Variants in FOXP1 observed in about 807,000 individuals in gnomAD.
FOXP1 encodes forkhead box protein P1.
A neutral mutation model predicts 98.2 loss-of-function variants in FOXP1; 15 were observed. The observed-to-expected ratio is 0.15, with a 90% confidence interval of 0.10 to 0.24. The LOEUF (loss-of-function observed/expected upper bound fraction) is 0.24. Among genes scored for constraint, FOXP1 ranks in the 10% least tolerant of loss-of-function variants. FOXP1 has a pLI of 1.00. For synonymous variants in FOXP1, 371 were observed against 314.5 expected (o/e 1.18, Z -1.90); for missense variants, 633 against 848.5 (o/e 0.75, Z 3.15).
chr3:71,218,908 A>T (rs1233423985), intron 5 of FOXP1, among the ~76,000 whole-genome samples: 1 of 152,160 alleles, frequency 6.6e-6, no homozygotes, highest in East Asian at 1.9e-4. Flanking sequence ...TCAGAGCTGC[A>T]GTCCCTTGTT....
At chr3:71,557,218 T>C (rs2046206637) in intron 2 of FOXP1, among the ~76,000 whole-genome samples, 1 of 152,088 alleles carries the variant, frequency 6.6e-6, no homozygotes, top group Non-Finnish European at 1.5e-5. Flanking sequence ...AACTGGGAAA[T>C]GACTAGCTTG....
intron 11 of FOXP1, among the ~76,000 whole-genome samples, chr3:71,028,293 C>T (rs752413984): frequency 2.6e-5 from 4 of 152,104 alleles, no homozygotes; most frequent in East Asian, 1.9e-4. Flanking sequence ...CTTTGAACTT[C>T]GGTAGAATGC....
Position 71,145,685 on chromosome 3 carries a change from T to G in FOXP1, c.181-33048A>C, listed in dbSNP as rs1013289916. ...TCACTTAGAATTACCAGTAATTATT[T>G]TAGCCATTTTCATAGGTGTATAGTG... On this transcript the variant is annotated intron_variant, in intron 6 of 20. Coordinates refer to ENST00000649528, the MANE Select transcript of FOXP1 (RefSeq NM_001349338.3). 2.3e-4 allele frequency among the ~76,000 whole-genome samples: 35 copies of G among 152,244 alleles called. 1 individual carries two copies. Among genetic ancestry groups the G allele is most frequent in the Admixed American group, 6.5e-5 (1 of 15,288 alleles).
At chr3:71,466,315 C>G (rs2088732410) in intron 3 of FOXP1, among the ~76,000 whole-genome samples, 1 of 152,188 alleles carries the variant, frequency 6.6e-6, no homozygotes, top group Admixed American at 6.5e-5. Flanking sequence ...AACTTTTCTC[C>G]AGAAAACAAC....
At chr3:71,542,016 G>A (rs772658482) in intron 2 of FOXP1, 8 of 534,110 alleles carry the variant, frequency 1.5e-5, no homozygotes, top group Admixed American at 1.9e-5. Flanking sequence ...ACAAACATGG[G>A]CTTTCCAATA....
chr3:71,051,545 A>G (rs1027024866), intron 9 of FOXP1, among the ~76,000 whole-genome samples: 4 of 152,210 alleles, frequency 2.6e-5, no homozygotes, highest in South Asian at 4.1e-4. Context: ...CTGCAAAAGA[A>G]CAAAAGTGGC....
chr3:71,258,867 C>T (rs891331300), intron 5 of FOXP1, among the ~76,000 whole-genome samples: 7 of 151,904 alleles, frequency 4.6e-5, no homozygotes, highest in South Asian at 2.1e-4. Context: ...GGGCTGAGGC[C>T]GGGTACAGTG....
At chr3:71,385,583 G>A (rs1427244174) in intron 3 of FOXP1, among the ~76,000 whole-genome samples, 1 of 152,074 alleles carries the variant, frequency 6.6e-6, no homozygotes, top group Non-Finnish European at 1.5e-5. Context: ...AGAGAACAGC[G>A]CATGCTCATG....
chr3:71,071,539 A>C (rs1459904442), intron 7 of FOXP1, among the ~76,000 whole-genome samples: 1 of 152,200 alleles, frequency 6.6e-6, no homozygotes, highest in Non-Finnish European at 1.5e-5. Context: ...CATTTCAGCT[A>C]AACAAAGAGG....
intron 7 of FOXP1, among the ~76,000 whole-genome samples, chr3:71,088,812 A>G (rs893086714): frequency 9.2e-5 from 14 of 152,166 alleles, no homozygotes; most frequent in African/African-American, 3.4e-4. Context: ...GCTGGAGGAA[A>G]TTTGCATAAT....
chr3:71,355,921 G>A (rs2078122455), intron 4 of FOXP1, among the ~76,000 whole-genome samples: 1 of 152,116 alleles, frequency 6.6e-6, no homozygotes, highest in Non-Finnish European at 1.5e-5. Context: ...GTCACCAACT[G>A]GGTCATCCAT....
At chr3:71,544,070 C>A (rs547623218) in intron 2 of FOXP1, among the ~76,000 whole-genome samples, 73 of 151,966 alleles carry the variant, frequency 4.8e-4, no homozygotes, top group Admixed American at 4.7e-3. Flanking sequence ...TACATATACA[C>A]ACATATATGT....
intron 2 of FOXP1, among the ~76,000 whole-genome samples, chr3:71,507,857 A>G (rs959400649): frequency 1.3e-5 from 2 of 152,200 alleles, no homozygotes; most frequent in African/African-American, 2.4e-5. Flanking sequence ...GATTACAGGC[A>G]TGAGCCACAA....
chr3:71,090,553 C>T (rs1396468525), intron 7 of FOXP1, among the ~76,000 whole-genome samples: 2 of 152,186 alleles, frequency 1.3e-5, no homozygotes, highest in African/African-American at 2.4e-5. Context: ...CTTCCCAACA[C>T]ATCAAGACAC....
At chr3:71,393,408 A>G (rs1178968816) in intron 3 of FOXP1, among the ~76,000 whole-genome samples, 1 of 147,564 alleles carries the variant, frequency 6.8e-6, no homozygotes, top group Non-Finnish European at 1.5e-5. Flanking sequence ...GACTCATAAT[A>G]AAAAAAAAAC....
chr3:71,135,823 A>G (rs1437828760), intron 6 of FOXP1, among the ~76,000 whole-genome samples: 1 of 152,118 alleles, frequency 6.6e-6, no homozygotes, highest in Non-Finnish European at 1.5e-5. Context: ...AGGCTCCAAA[A>G]CGGCAGCGAC....
intron 5 of FOXP1, among the ~76,000 whole-genome samples, chr3:71,206,208 G>A (rs983828848): frequency 6.6e-6 from 1 of 152,184 alleles, no homozygotes; most frequent in South Asian, 2.1e-4. Context: ...GATCAAATGA[G>A]ATCAAGGGCT....
chr3:71,336,857 C>T (rs1376998088), intron 4 of FOXP1, among the ~76,000 whole-genome samples: 1 of 152,090 alleles, frequency 6.6e-6, no homozygotes, highest in African/African-American at 2.4e-5. Context: ...ATCCAGCTTG[C>T]CAATGTGCAG....
chr3:71,507,329 T>C (rs767722783), intron 2 of FOXP1, among the ~76,000 whole-genome samples: 1 of 152,028 alleles, frequency 6.6e-6, no homozygotes. Context: ...CAGGAATGCA[T>C]GCTTTTAACA....
Sources: gnomAD v4.1 joint callset for allele counts (sites outside exome capture counted in the v4.1 genomes callset) on GRCh38, gnomAD v4.1.1 for gene constraint, MANE v1.5 for transcripts, NCBI Gene and HGNC (gene_info 2026-07-23, HGNC 2026-07-21) for gene names.